Variants in CAMTA1 observed in about 807,000 individuals in gnomAD.
CAMTA1 encodes the protein calmodulin-binding transcription activator 1.
In CAMTA1, 27 loss-of-function variants were observed where a neutral mutation model predicts 170.9. That is an observed-to-expected ratio of 0.16 (90% CI 0.12 to 0.22). The LOEUF (loss-of-function observed/expected upper bound fraction) is 0.22, where lower values mean the gene tolerates loss of function less well. Among genes scored for constraint, CAMTA1 ranks in the 10% least tolerant of loss-of-function variants. The pLI is 1.00. For missense variants in CAMTA1, 1,619 were observed against 2,217.2 expected, an observed-to-expected ratio of 0.73 and a Z score of 5.42; for synonymous variants, 833 against 891.5, an observed-to-expected ratio of 0.93 and a Z score of 1.17.
chr1:6,861,057 C>T (rs189599435), intron 3 of CAMTA1, among the ~76,000 whole-genome samples: 5 of 151,822 alleles, frequency 3.3e-5, no homozygotes, highest in South Asian at 2.1e-4. Context: ...CTCCACCTCC[C>T]GGGTTCAAGT....
At chr1:7,491,511 C>CT (rs1212122811) in intron 6 of CAMTA1, among the ~76,000 whole-genome samples, 16 of 152,274 alleles carry the variant, frequency 1.1e-4, no homozygotes, top group Non-Finnish European at 2.1e-4. Context: ...TAAAACAGGG[C>CT]TTGGCGTGCA....
chr1:7,300,665 CA>C lies in CAMTA1; in HGVS notation c.438+51043del, dbSNP rs1674620698. Among the ~76,000 whole-genome samples the C allele has an allele frequency of 6.7e-6, 1 of 150,236 alleles. No homozygotes were observed. The highest frequency in any genetic ancestry group is 2.5e-5 in the African/African-American group (1 of 40,534). On this transcript the variant is annotated intron_variant, in intron 5 of 22. Coordinates refer to ENST00000303635, the MANE Select transcript of CAMTA1 (RefSeq NM_015215.4). This position sits in a 1 kb window ranked among gnomAD's most constrained non-coding sequence, Gnocchi z 4.1. The stretch of plus-strand genomic sequence containing the variant: ...GCACTCCAGCCTGGACAACAAAGAG[CA>C]AAACTCTGTCTCAAAAAAAAAAAAA...
At chr1:7,254,854 C>T (rs1667125666) in intron 5 of CAMTA1, among the ~76,000 whole-genome samples, 2 of 152,140 alleles carry the variant, frequency 1.3e-5, no homozygotes, top group African/African-American at 2.4e-5. Context: ...CAGCCATGAA[C>T]ATGTATGGTG....
chr1:7,530,640 G>A (rs2094480151), intron 6 of CAMTA1, among the ~76,000 whole-genome samples: 1 of 152,130 alleles, frequency 6.6e-6, no homozygotes, highest in Admixed American at 6.6e-5. Context: ...ATCTATCTGA[G>A]TCAAGTCTCT....
intron 5 of CAMTA1, among the ~76,000 whole-genome samples, chr1:7,405,773 C>T (rs2090240370): frequency 6.6e-6 from 1 of 152,148 alleles, no homozygotes; most frequent in Non-Finnish European, 1.5e-5. Context: ...TGTGAGGCTT[C>T]CACACACTGA....
intron 5 of CAMTA1, among the ~76,000 whole-genome samples, chr1:7,322,004 G>A (rs1484129743): frequency 2.0e-5 from 3 of 152,200 alleles, no homozygotes; most frequent in Non-Finnish European, 4.4e-5. Flanking sequence ...TAGAGCAGGG[G>A]TTTGCTAGCT....
chr1:7,121,163 G>A (rs560190519), intron 4 of CAMTA1, among the ~76,000 whole-genome samples: 1 of 152,348 alleles, frequency 6.6e-6, no homozygotes, highest in South Asian at 2.1e-4. Context: ...AGCTCTGTGT[G>A]CATTTCTGGC....
chr1:7,285,370 G>A (rs1021316362), intron 5 of CAMTA1, among the ~76,000 whole-genome samples: 2 of 152,240 alleles, frequency 1.3e-5, no homozygotes, highest in African/African-American at 4.8e-5. Flanking sequence ...TGGCGCTGAT[G>A]CACCTTCGGG....
At chr1:7,515,204 C>G (rs12032408) in intron 6 of CAMTA1, among the ~76,000 whole-genome samples, 1 of 151,942 alleles carries the variant, frequency 6.6e-6, no homozygotes, top group Non-Finnish European at 1.5e-5. Context: ...CCCCGGCTGC[C>G]TCCACCTGGG....
At chr1:7,346,124 T>C (rs2084200932) in intron 5 of CAMTA1, among the ~76,000 whole-genome samples, 1 of 152,208 alleles carries the variant, frequency 6.6e-6, no homozygotes, top group African/African-American at 2.4e-5. Flanking sequence ...TTATATGGTT[T>C]GAAAGCTCCT....
intron 4 of CAMTA1, among the ~76,000 whole-genome samples, chr1:7,236,107 C>A (rs995304489): frequency 2.0e-5 from 3 of 152,128 alleles, no homozygotes; most frequent in Non-Finnish European, 2.9e-5. Context: ...TTTTCTTGCT[C>A]CTTGTCCCCC....
intron 3 of CAMTA1, among the ~76,000 whole-genome samples, chr1:6,837,921 C>T (rs535982667): frequency 4.6e-5 from 7 of 152,210 alleles, no homozygotes; most frequent in South Asian, 2.1e-4. Context: ...TAGCATTTGT[C>T]ATCATCTAAT....
intron 4 of CAMTA1, among the ~76,000 whole-genome samples, chr1:7,203,821 C>A (rs1254007331): frequency 6.7e-6 from 1 of 148,430 alleles, no homozygotes; most frequent in Non-Finnish European, 1.5e-5. Context: ...CATCAATTTT[C>A]TTTACTTTTC....
At chr1:7,563,662 T>C in intron 6 of CAMTA1, among the ~76,000 whole-genome samples, 1 of 152,200 alleles carries the variant, frequency 6.6e-6, no homozygotes, top group East Asian at 1.9e-4. Context: ...ATCTGAGTGG[T>C]ATCAGTGCTT....
chr1:7,055,792 G>A (rs1352279618), intron 3 of CAMTA1, among the ~76,000 whole-genome samples: 3 of 152,188 alleles, frequency 2.0e-5, no homozygotes, highest in Non-Finnish European at 4.4e-5. Flanking sequence ...ACCTGCCCAG[G>A]CACACTGGGG....
chr1:7,542,323 A>C (rs1422671554), intron 6 of CAMTA1, among the ~76,000 whole-genome samples: 2 of 151,946 alleles, frequency 1.3e-5, no homozygotes. Context: ...TTCTTTTCAC[A>C]AAGTTGATAA....
intron 5 of CAMTA1, among the ~76,000 whole-genome samples, chr1:7,275,579 A>G (rs1670473909): frequency 6.6e-6 from 1 of 152,128 alleles, no homozygotes; most frequent in Non-Finnish European, 1.5e-5. Flanking sequence ...ATGCATCACT[A>G]CAGATGCTAT....
Position 7,146,686 on chromosome 1 carries a change from T to C in CAMTA1, c.302+55315T>C, listed in dbSNP as rs984362082. The stretch of plus-strand genomic sequence containing the variant: ...GCTGTGTAGGGGTTGATGTGGGCAG[T>C]CAGAGGGGGTAGGGAGAGAAGGGTT... On this transcript the variant is annotated intron_variant, in intron 4 of 22. Coordinates refer to ENST00000303635, the MANE Select transcript of CAMTA1 (RefSeq NM_015215.4). This position sits in a 1 kb window ranked among gnomAD's most constrained non-coding sequence, Gnocchi z 4.3. 1.3e-5 allele frequency among the ~76,000 whole-genome samples: 2 copies of C among 152,152 alleles called. No individual in the cohort carries two copies. The highest frequency in any genetic ancestry group is 3.9e-4 in the East Asian group (2 of 5,168).
intron 1 of CAMTA1, among the ~76,000 whole-genome samples, chr1:6,787,489 T>C (rs1052706566): frequency 6.6e-6 from 1 of 152,262 alleles, no homozygotes; most frequent in Non-Finnish European, 1.5e-5. Context: ...CATGTAGGTA[T>C]ACACAGATGA....
Sources: allele counts gnomAD v4.1 joint callset (sites outside exome capture counted in the v4.1 genomes callset), GRCh38; gene constraint gnomAD v4.1.1; non-coding constraint Gnocchi (gnomAD v3.1); transcripts MANE v1.5; gene names NCBI Gene and HGNC (gene_info 2026-07-23, HGNC 2026-07-21).